TNS1: variants seen among roughly 807,000 people sequenced by gnomAD.
The protein encoded by TNS1 is tensin 1, also known as tensin-1.
Under a neutral mutation model 168.6 loss-of-function variants are expected in TNS1, and 62 were observed. The observed-to-expected ratio is 0.37, with a 90% CI of 0.30 to 0.45. The LOEUF is 0.45. Among genes scored for constraint, TNS1 ranks in the 20% least tolerant of loss-of-function variants. The pLI is 1.00. For synonymous variants in TNS1, 934 were observed against 933.2 expected (o/e 1.00, Z -0.02); for missense variants, 2,240 against 2,339.4 (o/e 0.96, Z 0.88).
rs770473907 is a variant in TNS1, at chr2:217,885,137, T to C, written c.1144A>G (p.Ser382Gly). 6.2e-7 allele frequency: 1 copy of C among 1,614,200 alleles called. No individual in the cohort carries two copies. Among genetic ancestry groups the C allele is most frequent in the Non-Finnish European group, 8.5e-7 (1 of 1,180,028 alleles). Residue 382 changes from serine to glycine, a missense_variant, in exon 16 of 33, where the codon AGC (serine) becomes GGC (glycine). Transcript: ENST00000682258. ...CGGAAGATGACGTCTCGGGCTGGGC[T>C]TCGGAACTTCTTGTGGTAGCACTTC... ...LLKCYHKKFR[S>G]PARDVIFRVQ...
chr2:217,837,600 G>A (rs1037399306), intron 19 of TNS1, among the ~76,000 whole-genome samples: 12 of 152,236 alleles, frequency 7.9e-5, no homozygotes, highest in African/African-American at 1.4e-4. Flanking sequence ...AGAAGGTACC[G>A]AGTGGTGCCC....
In TNS1 at chr2:218,002,204, C is replaced by T. The variant is rs1958577904; in HGVS notation, c.33+636G>A. The stretch of plus-strand genomic sequence containing the variant: ...CATCCCCATCCTGAAACCCACCTCC[C>T]TGAACCTGGAGCCAAGAGAGAAAGG... On this transcript the variant is annotated intron_variant, in intron 1 of 32. Coordinates refer to ENST00000682258, the MANE Select transcript of TNS1 (RefSeq NM_001387777.1). 3.3e-5 allele frequency among the ~76,000 whole-genome samples: 5 copies of T among 152,284 alleles called. No homozygotes were observed. The South Asian group carries it at 1.0e-3, about 32-fold the overall frequency.
intron 6 of TNS1, among the ~76,000 whole-genome samples, chr2:217,902,932 C>T (rs374674344): frequency 2.8e-4 from 43 of 152,284 alleles, no homozygotes; most frequent in African/African-American, 9.6e-4. Flanking sequence ...GTCTGAGTGT[C>T]GGTACACACA....
At chr2:217,970,958 A>G (rs1482084239) in intron 3 of TNS1, among the ~76,000 whole-genome samples, 2 of 152,146 alleles carry the variant, frequency 1.3e-5, no homozygotes, top group African/African-American at 2.4e-5. Flanking sequence ...AAGCGCTATT[A>G]AATACATGGG....
intron 18 of TNS1, among the ~76,000 whole-genome samples, chr2:217,852,097 A>T (rs996743754): frequency 3.9e-5 from 6 of 152,228 alleles, no homozygotes; most frequent in African/African-American, 1.4e-4. Flanking sequence ...GTGAGCCGAG[A>T]TCGCACCATT....
intron 8 of TNS1, 96 bp from the exon 9 acceptor site, chr2:217,895,152 G>A (rs966629713): frequency 1.7e-5 from 21 of 1,264,252 alleles, no homozygotes; most frequent in Admixed American, 5.9e-5. Flanking sequence ...AGAAAGGACC[G>A]TGGCATCATT....
At chr2:218,013,717 C>T (rs1403608101), upstream of TNS1, among the ~76,000 whole-genome samples, 1 of 152,162 alleles carries the variant, frequency 6.6e-6, no homozygotes, top group Non-Finnish European at 1.5e-5. Flanking sequence ...CACCTCTCCT[C>T]AGCCACAGAG....
chr2:217,878,251 T>C (rs994918176), intron 18 of TNS1, among the ~76,000 whole-genome samples: 2 of 152,094 alleles, frequency 1.3e-5, no homozygotes, highest in Admixed American at 1.3e-4. Flanking sequence ...ACAGTCAGGA[T>C]GGGTTGACTT....
chr2:217,807,801 T>G (rs1939459470), intron 32 of TNS1, among the ~76,000 whole-genome samples: 1 of 152,216 alleles, frequency 6.6e-6, no homozygotes, highest in Non-Finnish European at 1.5e-5. Context: ...CTAATAAGAC[T>G]GTTTTCTGTC....
chr2:217,877,910 AAGTCTC>A (rs1213189160), intron 18 of TNS1, among the ~76,000 whole-genome samples: 9 of 152,102 alleles, frequency 5.9e-5, no homozygotes, highest in Non-Finnish European at 1.3e-4. Flanking sequence ...CCCCTCCTCC[AAGTCTC>A]CTGGTGGGCT....
At chr2:218,011,844 G>A (rs1427675), upstream of TNS1, among the ~76,000 whole-genome samples, 95,829 of 151,958 alleles carry the variant, frequency 0.63, 31,101 homozygotes, top group Middle Eastern at 0.77. Flanking sequence ...GGATAGAGAC[G>A]GGGGAAAGAG....
intron 2 of TNS1, among the ~76,000 whole-genome samples, chr2:217,984,880 C>T (rs1958154430): frequency 6.6e-6 from 1 of 151,592 alleles, no homozygotes; most frequent in Non-Finnish European, 1.5e-5. Context: ...CTCAGCCTCC[C>T]GAGTAGCTGG....
At chr2:217,873,631 G>A (rs560309723) in intron 18 of TNS1, among the ~76,000 whole-genome samples, 2 of 152,228 alleles carry the variant, frequency 1.3e-5, no homozygotes, top group Admixed American at 6.5e-5. Context: ...GATTTCAGCA[G>A]GAGGAGGCTG....
At position 217,801,810 on chromosome 2, in the gene TNS1, G is replaced by A. The variant is rs146706441; in HGVS notation, c.*2649C>T. On this transcript the variant is annotated 3_prime_UTR_variant, in exon 33 of 33. Coordinates refer to ENST00000682258, the MANE Select transcript of TNS1 (RefSeq NM_001387777.1). ...ACTGGGGAACCCTTCCCCATCATTCGCCTTGAAAAGTCACACTCTCAGAAA... is the reference window on the plus strand; with the variant it reads ...ACTGGGGAACCCTTCCCCATCATTCACCTTGAAAAGTCACACTCTCAGAAA... The A allele has an allele frequency of 2.6e-5, 4 of 152,304 alleles. No homozygotes were observed. Among genetic ancestry groups the A allele is most frequent in the East Asian group, 3.9e-4 (2 of 5,160 alleles). The allele number at this position is 152,304 out of a possible 1,614,324, so 9.4% of individuals were successfully genotyped here.
intron 1 of TNS1, among the ~76,000 whole-genome samples, chr2:218,031,344 TG>T (rs1958897383): frequency 6.9e-6 from 1 of 145,888 alleles, no homozygotes; most frequent in Non-Finnish European, 1.5e-5. Context: ...TGTGTGTGAG[TG>T]TATGAGTGTG....
intron 1 of TNS1, among the ~76,000 whole-genome samples, chr2:218,023,535 G>C (rs1220896606): frequency 6.6e-6 from 1 of 152,186 alleles, no homozygotes; most frequent in Non-Finnish European, 1.5e-5. Context: ...AAGTCAGCAA[G>C]TGAAGAGGTC....
chr2:217,936,902 A>G, intron 3 of TNS1: 1 of 455,578 alleles, frequency 2.2e-6, no homozygotes, highest in Non-Finnish European at 4.4e-6. Context: ...CCTATTTTAC[A>G]GATGCAGACA....
Position 217,900,493 on chromosome 2 carries a change from G to C in TNS1, c.341C>G (p.Pro114Arg). ...GGGCTGGAGGTGGGGCTGGACACTCGGGGTGACCCTGGTGGAGCCCTGGGA... is the reference window on the plus strand; with the variant it reads ...GGGCTGGAGGTGGGGCTGGACACTCCGGGTGACCCTGGTGGAGCCCTGGGA... Reference protein sequence around the residue: ...LEDNGSTRVTPSVQPHLQPIR... With the variant: ...LEDNGSTRVTRSVQPHLQPIR... Residue 114 changes from proline to arginine, a missense_variant, in exon 7 of 33, where the codon CCG becomes CGG. Physicochemically the swap from Pro to Arg is moderately radical, Grantham distance 103. This residue lies in a region of TNS1 where 2,131 missense variants were observed against 2,171.2 expected (regional missense o/e 0.98). Coordinates refer to ENST00000682258, the MANE Select transcript of TNS1 (RefSeq NM_001387777.1). 6.5e-7 allele frequency: 1 copy of C among 1,535,522 alleles called. No individual in the cohort carries two copies. The highest frequency in any genetic ancestry group is 8.7e-7 in the Non-Finnish European group (1 of 1,146,726).
Position 217,813,700 on chromosome 2 carries a change from G to T in TNS1, c.4846C>A (p.Gln1616Lys). The change falls in exon 26 of 33, where the codon CAG becomes AAG. Residue 1616 changes from glutamine (Q) to lysine (K), a missense_variant. Gln to Lys is a moderately conservative substitution (Grantham distance 53). Around this residue, in one of 2 missense-constraint regions of TNS1, gnomAD observed 2,131 missense variants for 2,171.2 expected, o/e 0.98. Transcript: ENST00000682258. The surrounding 1 kb of genome is among the most constrained non-coding windows in gnomAD (Gnocchi z 4.0). ...KVSSPPPTIM[Q>K]QNKKGDMTHE... ...ATGAGGTTACCTTTTTTATTCTGCT[G>T]CATGATGGTTGGAGGTGGCGAAGAC... 1 of 1,611,524 alleles carries T rather than the reference G, an allele frequency of 6.2e-7. No homozygotes were observed. Among genetic ancestry groups the T allele is most frequent in the Non-Finnish European group, 8.5e-7 (1 of 1,178,718 alleles).
Sources: allele counts gnomAD v4.1 joint callset (sites outside exome capture counted in the v4.1 genomes callset), GRCh38; gene constraint gnomAD v4.1.1; regional missense constraint gnomAD v4.1.1; non-coding constraint Gnocchi (gnomAD v3.1); transcripts MANE v1.5; gene names NCBI Gene and HGNC (gene_info 2026-07-23, HGNC 2026-07-21).